The following ANO3 variants were observed in gnomAD, a reference collection of about 807,000 sequenced individuals.
ANO3 encodes anoctamin 3.
ANO3 carries 99 observed loss-of-function variants against 144.8 expected under a neutral mutation model. The ratio of observed to expected loss-of-function variants is 0.68; its 90% confidence interval spans 0.58 to 0.81. The LOEUF is 0.81. ANO3 is among the 30% of genes least tolerant of loss of function. The probability of loss-of-function intolerance (pLI) is 0.00; values close to 1 mark genes in which losing one functional copy is unlikely to be tolerated. For synonymous variants in ANO3, 414 were observed against 392.6 expected (o/e 1.05, Z -0.64); for missense variants, 905 against 1,202.2 (o/e 0.75, Z 3.66).
chr11:26,450,555 T>G (rs192339785), intron 3 of ANO3, among the ~76,000 whole-genome samples: 16 of 152,320 alleles, frequency 1.1e-4, no homozygotes, highest in Admixed American at 9.2e-4. Context: ...GGATAATTTT[T>G]AAAATCATGA....
intron 14 of ANO3, among the ~76,000 whole-genome samples, chr11:26,590,212 T>G (rs1851404469): frequency 6.6e-6 from 1 of 152,216 alleles, no homozygotes; most frequent in South Asian, 2.1e-4. Flanking sequence ...TGCCGTAAAG[T>G]AGAATAAAGG....
chr11:26,426,124 T>C (rs760506331), intron 1 of ANO3, among the ~76,000 whole-genome samples: 1 of 152,110 alleles, frequency 6.6e-6, no homozygotes, highest in Non-Finnish European at 1.5e-5. Flanking sequence ...TGTAAATGGG[T>C]GCACTCAGTA....
intron 3 of ANO3, among the ~76,000 whole-genome samples, chr11:26,458,432 A>G (rs1372208578): frequency 1.3e-5 from 2 of 152,142 alleles, no homozygotes; most frequent in Non-Finnish European, 2.9e-5. Context: ...GAGGACTACC[A>G]CTACCTAGTT....
intron 1 of ANO3, among the ~76,000 whole-genome samples, chr11:26,398,744 C>A (rs921364165): frequency 6.6e-6 from 1 of 151,978 alleles, no homozygotes; most frequent in East Asian, 1.9e-4. Context: ...AGAAAGTGTT[C>A]CGTAAAAATC....
intron 4 of ANO3, among the ~76,000 whole-genome samples, chr11:26,481,618 T>C (rs1302861087): frequency 1.3e-5 from 2 of 152,238 alleles, no homozygotes; most frequent in Non-Finnish European, 2.9e-5. Context: ...AGCTTGATCA[T>C]GTCTAGGATG....
At chr11:26,568,451 T>C (rs1850683809) in intron 14 of ANO3, among the ~76,000 whole-genome samples, 1 of 139,776 alleles carries the variant, frequency 7.2e-6, no homozygotes, top group Non-Finnish European at 1.6e-5. Context: ...CAGCTGCTTT[T>C]TAGAACTTCT....
intron 1 of ANO3, among the ~76,000 whole-genome samples, chr11:26,428,995 G>T (rs189596728): frequency 1.3e-5 from 2 of 152,180 alleles, no homozygotes; most frequent in Non-Finnish European, 1.5e-5. Context: ...GAGCTGAGTC[G>T]TAGACCTTGC....
Position 26,476,932 on chromosome 11 carries a change from TGAGA to T in ANO3, c.432+13801_432+13804del, listed in dbSNP as rs34338490. Reference sequence around the variant, plus strand: ...GTGTGTGTGTGTGTGTGTGTGTGTGTGAGAGAGAGAGAGAGAGAGACTTTTAATA... The same window carrying T: ...GTGTGTGTGTGTGTGTGTGTGTGTGTGAGAGAGAGAGAGAGACTTTTAATA... On this transcript the variant is annotated intron_variant, in intron 4 of 26. Coordinates refer to ENST00000256737, the MANE Select transcript of ANO3 (RefSeq NM_031418.4). Among the ~76,000 whole-genome samples the T allele has an allele frequency of 1.3e-4, 18 of 134,014 alleles. No individual in the cohort carries two copies. In the South Asian group the frequency reaches 1.5e-3, roughly 11 times the overall value. The allele number at this position is 134,014 out of a possible 152,430, so 87.9% of individuals were successfully genotyped here.
chr11:26,192,058 A>G (rs1389753995), intron 1 of ANO3, among the ~76,000 whole-genome samples: 1 of 152,170 alleles, frequency 6.6e-6, no homozygotes, highest in Admixed American at 6.5e-5. Flanking sequence ...TTCTGCCATA[A>G]GGTATATTTG....
intron 1 of ANO3, among the ~76,000 whole-genome samples, chr11:26,282,090 G>GC (rs1378976061): frequency 6.6e-6 from 1 of 152,178 alleles, no homozygotes; most frequent in Non-Finnish European, 1.5e-5. Context: ...TGTCAATAGA[G>GC]CTTGTTTTTC....
intron 24 of ANO3, among the ~76,000 whole-genome samples, chr11:26,654,615 T>C (rs1435335948): frequency 1.3e-5 from 2 of 152,152 alleles, no homozygotes; most frequent in Non-Finnish European, 2.9e-5. Context: ...CTTCTACTTG[T>C]GTAGGCAATG....
chr11:26,651,865 A>T (rs12574098), intron 24 of ANO3, among the ~76,000 whole-genome samples: 31,902 of 152,112 alleles, frequency 0.21, 3,534 homozygotes, highest in East Asian at 0.33. Flanking sequence ...GATAAAATAT[A>T]TATGTTTTAA....
At chr11:26,431,633 T>G (rs1299737620) in intron 1 of ANO3, among the ~76,000 whole-genome samples, 1 of 152,172 alleles carries the variant, frequency 6.6e-6, no homozygotes, top group Non-Finnish European at 1.5e-5. Context: ...AGCTCCCACT[T>G]ATGAGGACAA....
At chr11:26,443,893 G>T in intron 3 of ANO3, 57 bp downstream of exon 3, 1 of 1,214,606 alleles carries the variant, frequency 8.2e-7, no homozygotes, top group Non-Finnish European at 1.2e-6. Context: ...GGTAAGCTGT[G>T]TTCTTCTAAA....
chr11:26,361,830 G>T (rs750281115), intron 1 of ANO3, among the ~76,000 whole-genome samples: 34 of 152,040 alleles, frequency 2.2e-4, no homozygotes, highest in Non-Finnish European at 4.4e-4. Context: ...ATTATATTCT[G>T]CCTCTGCCTG....
chr11:26,201,379 A>G (rs982180592), intron 1 of ANO3, among the ~76,000 whole-genome samples: 4 of 152,252 alleles, frequency 2.6e-5, no homozygotes, highest in South Asian at 2.1e-4. Context: ...AATTCATTTT[A>G]TCATACCTAT....
chr11:26,531,376 C>T, intron 8 of ANO3, 40 bp downstream of exon 8: 1 of 1,566,018 alleles, frequency 6.4e-7, no homozygotes, highest in South Asian at 1.2e-5. Flanking sequence ...ACCTTTATAT[C>T]TTGGTGGGGC....
chr11:26,379,260 T>C (rs1856513366), intron 1 of ANO3, among the ~76,000 whole-genome samples: 1 of 152,182 alleles, frequency 6.6e-6, no homozygotes, highest in Admixed American at 6.5e-5. Flanking sequence ...CCATACAGAA[T>C]CTCATAACCC....
intron 1 of ANO3, among the ~76,000 whole-genome samples, chr11:26,378,369 TATC>T (rs1376972672): frequency 4.8e-5 from 7 of 147,146 alleles, no homozygotes; most frequent in Admixed American, 2.8e-4. Context: ...ATCTATATAT[TATC>T]TATATATCTA....
Sources: allele counts gnomAD v4.1 joint callset (sites outside exome capture counted in the v4.1 genomes callset), GRCh38; gene constraint gnomAD v4.1.1; transcripts MANE v1.5; gene names NCBI Gene and HGNC (gene_info 2026-07-23, HGNC 2026-07-21).